Variants in GPLD1 observed in about 807,000 individuals in gnomAD.
GPLD1 encodes glycosylphosphatidylinositol specific phospholipase D1.
A neutral mutation model predicts 112.6 loss-of-function variants in GPLD1; 84 were observed. The ratio of observed to expected loss-of-function variants is 0.75; its 90% CI spans 0.63 to 0.89. GPLD1 has a LOEUF of 0.89. Ranked by LOEUF, GPLD1 falls within the 40% of genes least tolerant of loss-of-function variation. The pLI, the probability that GPLD1 is intolerant of heterozygous loss-of-function variation, is 0.00. For missense variants in GPLD1, 1,044 were observed against 1,051.5 expected (o/e 0.99, Z 0.10); for synonymous variants, 386 against 403.8 (o/e 0.96, Z 0.53).
chr6:24,481,821 C>G (rs978359648), intron 2 of GPLD1, among the ~76,000 whole-genome samples: 2 of 152,150 alleles, frequency 1.3e-5, no homozygotes, highest in Non-Finnish European at 2.9e-5. Flanking sequence ...CCAATAAAGT[C>G]CACTTTTTTC....
At chr6:24,490,751 C>CA (rs35483701), upstream of GPLD1, among the ~76,000 whole-genome samples, 5,234 of 134,906 alleles carry the variant, frequency 0.039, 167 homozygotes, top group African/African-American at 0.098. Flanking sequence ...GACCCTGTCT[C>CA]AAAAAAAAAA....
In GPLD1 at chr6:24,475,134, C is replaced by T. The variant is rs779602416; in HGVS notation, c.428G>A (p.Arg143Lys). The change falls in exon 5 of 25, where the codon AGG becomes AAG. Residue 143 changes from arginine (R) to lysine (K), a missense_variant. Arg to Lys is a conservative substitution (Grantham distance 26, BLOSUM62 2). Transcript: ENST00000230036. ...HSLGLEQGFL[R>K]TMGAIDFHGS... ...GGATGTACTCACAGCTCCCATGGTC[C>T]TAAGGAATCCTTGTTCAAGGCCCAG... The T allele has an allele frequency of 1.3e-6, 2 of 1,581,062 alleles. No individual in the cohort carries two copies. Among genetic ancestry groups the T allele is most frequent in the Non-Finnish European group, 1.7e-6 (2 of 1,149,916 alleles).
At position 24,437,181 on chromosome 6, in the gene GPLD1, C is replaced by T; in HGVS notation, c.2129G>A (p.Ser710Asn). Residue 710 changes from serine to asparagine, a missense_variant, in exon 21 of 25, where the codon AGC becomes AAC. Physicochemically the swap from Ser to Asn is conservative, Grantham distance 46. Transcript: ENST00000230036. ...DAQPLLLSTF[S>N]GDRRFSRFGG... ...AAATCGGGAGAAGCGGCGGTCTCCG[C>T]TGAAGGTGCTGAGCAGCAGAGGCTG... The T allele has an allele frequency of 6.2e-7, 1 of 1,614,220 alleles. No individual in the cohort carries two copies. Among genetic ancestry groups the T allele is most frequent in the Non-Finnish European group, 8.5e-7 (1 of 1,180,016 alleles).
intron 15 of GPLD1, among the ~76,000 whole-genome samples, chr6:24,448,987 GGAA>G (rs1762997199): frequency 6.6e-6 from 1 of 152,028 alleles, no homozygotes; most frequent in Non-Finnish European, 1.5e-5. Flanking sequence ...TGACACCCAG[GGAA>G]GAAGGGGATA....
At chr6:24,464,510 T>C (rs1251377115) in intron 10 of GPLD1, among the ~76,000 whole-genome samples, 1 of 152,234 alleles carries the variant, frequency 6.6e-6, no homozygotes, top group Non-Finnish European at 1.5e-5. Context: ...AAGTTTATTA[T>C]GTACCAAGCT....
At chr6:24,482,292 CTTTTT>C (rs1764231271) in intron 2 of GPLD1, among the ~76,000 whole-genome samples, 1 of 142,732 alleles carries the variant, frequency 7.0e-6, no homozygotes, top group African/African-American at 2.9e-5. Flanking sequence ...TTCTTTTTTT[CTTTTT>C]TGAGACAGAA....
rs1002676201 is a variant in GPLD1, at chr6:24,429,012, G to A, written c.*20C>T. The A allele has an allele frequency of 1.7e-5, 26 of 1,540,906 alleles. No homozygotes were observed. The highest frequency in any genetic ancestry group is 2.2e-5 in the Non-Finnish European group (25 of 1,115,666). ...TCAGCATGAGAGAGGTGGGCAGAGT[G>A]GGGAAATGCAGTGAAATCTTCAATC... is the stretch of plus-strand genomic sequence containing the variant. On this transcript the variant is annotated 3_prime_UTR_variant, in exon 25 of 25. Transcript: ENST00000230036.
intron 6 of GPLD1, chr6:24,473,334 A>G: frequency 4.1e-6 from 1 of 246,014 alleles, no homozygotes; most frequent in Non-Finnish European, 7.9e-6. Flanking sequence ...GACACTAGCT[A>G]ATGAATTTTA....
At chr6:24,449,362 T>G (rs1402801968) in intron 15 of GPLD1, among the ~76,000 whole-genome samples, 2 of 152,106 alleles carry the variant, frequency 1.3e-5, no homozygotes, top group Non-Finnish European at 2.9e-5. Context: ...GCAAGCCCTG[T>G]GGGCCAGGGT....
At chr6:24,475,589 A>G (rs369639556) in intron 4 of GPLD1, among the ~76,000 whole-genome samples, 17 of 149,864 alleles carry the variant, frequency 1.1e-4, no homozygotes, top group African/African-American at 3.9e-4. Context: ...TCACCCCTGT[A>G]ATCCCAGCAC....
chr6:24,451,773 T>C (rs1214990864), intron 14 of GPLD1, among the ~76,000 whole-genome samples: 1 of 152,204 alleles, frequency 6.6e-6, no homozygotes, highest in Admixed American at 6.5e-5. Context: ...TGCAGTGGCA[T>C]CTATAAGTGC....
chr6:24,435,527 T>G (rs967649607), intron 22 of GPLD1, among the ~76,000 whole-genome samples: 1 of 152,084 alleles, frequency 6.6e-6, no homozygotes, highest in Non-Finnish European at 1.5e-5. Flanking sequence ...CATAATAAAC[T>G]TTCACTAATT....
In GPLD1 at chr6:24,482,356, C is replaced by A. The variant is rs185259232; in HGVS notation, c.154-2397G>T. Among the ~76,000 whole-genome samples, 351 of 152,190 alleles carry A rather than the reference C, an allele frequency of 2.3e-3. 1 individual carries two copies. Among genetic ancestry groups the A allele is most frequent in the Admixed American group, 8.8e-3 (134 of 15,280 alleles). Reference sequence around the variant, plus strand: ...AGTGCAATGGCATGATCTCGGCTCACTGCAACCTCTACCTCCCAGGTTCAA... The same window carrying A: ...AGTGCAATGGCATGATCTCGGCTCAATGCAACCTCTACCTCCCAGGTTCAA... On this transcript the variant is annotated intron_variant, in intron 2 of 24. Transcript: ENST00000230036.
chr6:24,470,125 GTTT>G (rs1011777772), intron 7 of GPLD1, among the ~76,000 whole-genome samples: 5 of 148,516 alleles, frequency 3.4e-5, no homozygotes, highest in African/African-American at 1.2e-4. Flanking sequence ...AACCTGGACG[GTTT>G]TTTTTTTGTT....
Position 24,445,773 on chromosome 6 carries a change from A to C in GPLD1, c.1879T>G (p.Tyr627Asp). 1 of 1,613,888 alleles carries C rather than the reference A, an allele frequency of 6.2e-7. No individual in the cohort carries two copies. Among genetic ancestry groups the C allele is most frequent in the South Asian group, 1.1e-5 (1 of 91,068 alleles). Reference protein sequence around the residue: ...EKKSLGRVYGYFPPNGQSWFT... With the variant: ...EKKSLGRVYGDFPPNGQSWFT... ...CAGCTTTGGCCGTTTGGTGGGAAGT[A>C]GCCATACACCCTCCCAAGGCTCTTT... The change falls in exon 19 of 25, where the codon TAC becomes GAC. Residue 627 changes from tyrosine to aspartate, a missense_variant. Coordinates refer to ENST00000230036, the MANE Select transcript of GPLD1 (RefSeq NM_001503.4).
intron 20 of GPLD1, among the ~76,000 whole-genome samples, chr6:24,442,487 C>A (rs1321540300): frequency 8.1e-6 from 1 of 123,824 alleles, no homozygotes; most frequent in African/African-American, 3.2e-5. Context: ...CTCTGTCACC[C>A]AGGCTGGAGT....
At chr6:24,479,823 G>T in intron 3 of GPLD1, 58 bp downstream of exon 3, 1 of 879,312 alleles carries the variant, frequency 1.1e-6, no homozygotes. Context: ...TAAAGTCATA[G>T]CTATTCCTAT....
At chr6:24,465,678 A>C (rs1379594739) in intron 10 of GPLD1, among the ~76,000 whole-genome samples, 1 of 152,194 alleles carries the variant, frequency 6.6e-6, no homozygotes, top group South Asian at 2.1e-4. Flanking sequence ...CTACAGCTAG[A>C]AGTGGGGACA....
At chr6:24,463,175 CTCAATT>C (rs1424258261) in intron 10 of GPLD1, among the ~76,000 whole-genome samples, 1 of 138,192 alleles carries the variant, frequency 7.2e-6, no homozygotes, top group Non-Finnish European at 1.6e-5. Context: ...GTCTGAATTT[CTCAATT>C]TCATTTCTTT....
Sources: gnomAD v4.1 joint callset for allele counts (sites outside exome capture counted in the v4.1 genomes callset) on GRCh38, gnomAD v4.1.1 for gene constraint, MANE v1.5 for transcripts, NCBI Gene and HGNC (gene_info 2026-07-23, HGNC 2026-07-21) for gene names.